Variants in CPSF4L observed in about 807,000 individuals in gnomAD.
CPSF4L encodes the protein putative cleavage and polyadenylation specificity factor subunit 4-like protein.
A neutral mutation model predicts 24.0 loss-of-function variants in CPSF4L; 18 were observed. That is an observed-to-expected ratio of 0.75 (90% CI 0.52 to 1.11). The LOEUF (loss-of-function observed/expected upper bound fraction) is 1.11, where lower values mean the gene tolerates loss of function less well. CPSF4L is among the 50% of genes least tolerant of loss of function. CPSF4L has a pLI of 0.00. For missense variants in CPSF4L, 211 were observed against 221.8 expected, an observed-to-expected ratio of 0.95 and a Z score of 0.31; for synonymous variants, 72 against 77.2, an observed-to-expected ratio of 0.93 and a Z score of 0.35.
downstream of CPSF4L, chr17:73,247,525 T>A: frequency 1.8e-6 from 1 of 568,912 alleles, no homozygotes; most frequent in South Asian, 2.2e-5. Flanking sequence ...TCACTTGTCA[T>A]AATCAGGGTG....
intron 2 of CPSF4L, among the ~76,000 whole-genome samples, chr17:73,260,596 A>G (rs1035994759): frequency 1.3e-5 from 2 of 151,934 alleles, no homozygotes; most frequent in South Asian, 2.1e-4. Flanking sequence ...ACAAAACTCC[A>G]TCTCTACTAA....
chr17:73,262,094 C>T (rs1040819657), upstream of CPSF4L: 15 of 443,304 alleles, frequency 3.4e-5, no homozygotes, highest in African/African-American at 2.7e-4. Flanking sequence ...GAGGGATTCG[C>T]AGAGCCCCAC....
chr17:73,244,156 T>C (rs2061901971), downstream of CPSF4L, among the ~76,000 whole-genome samples: 1 of 152,238 alleles, frequency 6.6e-6, no homozygotes, highest in Admixed American at 6.5e-5. Context: ...TGTTTGTTCA[T>C]TTCTTATTGT....
chr17:73,246,506 A>G (rs2061952424), downstream of CPSF4L, among the ~76,000 whole-genome samples: 1 of 152,228 alleles, frequency 6.6e-6, no homozygotes, highest in African/African-American at 2.4e-5. Flanking sequence ...ATTGCATTCC[A>G]GCCTGGGTGA....
intron 5 of CPSF4L, chr17:73,248,761 G>A (rs1599408510): frequency 1.6e-5 from 8 of 498,778 alleles, no homozygotes; most frequent in South Asian, 1.5e-4. Context: ...ACCTCGGGGC[G>A]GCCTTGTTTA....
At position 73,257,714 on chromosome 17, in the gene CPSF4L, T is replaced by C; in HGVS notation, c.274A>G (p.Arg92Gly). Residue 92 changes from arginine (R) to glycine (G), a missense_variant, in exon 3 of 6, where the codon AGG (arginine) becomes GGG (glycine). Coordinates refer to ENST00000344935, the MANE Select transcript of CPSF4L (RefSeq NM_001129885.1). Reference protein sequence around the residue: ...CKFLHQYDLTRMPECYFYSKF... With the variant: ...CKFLHQYDLTGMPECYFYSKF... ...GAGTAGAAGTAGCACTCAGGCATCC[T>C]GGTGAGGTCATACTGGTGCAGGAAC... is the stretch of plus-strand genomic sequence containing the variant. The C allele has an allele frequency of 6.4e-7, 1 of 1,551,706 alleles. No individual in the cohort carries two copies. The highest frequency in any genetic ancestry group is 8.7e-7 in the Non-Finnish European group (1 of 1,147,014).
At chr17:73,260,638 G>A (rs1338405939) in intron 2 of CPSF4L, among the ~76,000 whole-genome samples, 1 of 152,130 alleles carries the variant, frequency 6.6e-6, no homozygotes, top group African/African-American at 2.4e-5. Flanking sequence ...TTGGTGGCAT[G>A]CACCTGTAGT....
Sources: allele counts gnomAD v4.1 joint callset (sites outside exome capture counted in the v4.1 genomes callset), GRCh38; gene constraint gnomAD v4.1.1; transcripts MANE v1.5; gene names NCBI Gene and HGNC (gene_info 2026-07-23, HGNC 2026-07-21).